Variants in KDM2A observed in about 807,000 individuals in gnomAD.
The protein encoded by KDM2A is lysine demethylase 2A, also known as lysine-specific demethylase 2A.
A neutral mutation model predicts 137.3 loss-of-function variants in KDM2A; 3 were observed. That is an observed-to-expected ratio of 0.02 (90% CI 0.01 to 0.06). The LOEUF (loss-of-function observed/expected upper bound fraction) is 0.06, where lower values mean the gene tolerates loss of function less well. KDM2A is among the 10% of genes least tolerant of loss of function. The pLI is 1.00. For missense variants in KDM2A, 738 were observed against 1,510.6 expected (o/e 0.49, Z 8.48); for synonymous variants, 512 against 541.5 (o/e 0.95, Z 0.76).
chr11:67,241,103 C>T (rs973478209), intron 12 of KDM2A, among the ~76,000 whole-genome samples: 5 of 152,190 alleles, frequency 3.3e-5, no homozygotes, highest in Admixed American at 6.5e-5. Flanking sequence ...TTGTGGACAG[C>T]TCAGTTCACT....
intron 2 of KDM2A, among the ~76,000 whole-genome samples, chr11:67,143,992 C>T (rs139742162): frequency 0.022 from 3,275 of 148,858 alleles, 47 homozygotes; most frequent in East Asian, 0.047. Flanking sequence ...CCCAGACTGG[C>T]GTGCAGTGGT....
intron 13 of KDM2A, among the ~76,000 whole-genome samples, chr11:67,244,773 C>G (rs1361095418): frequency 1.3e-5 from 2 of 152,026 alleles, no homozygotes; most frequent in African/African-American, 4.8e-5. Flanking sequence ...ATCACGAGGT[C>G]AGGAGATTGA....
intron 5 of KDM2A, among the ~76,000 whole-genome samples, chr11:67,206,028 C>T (rs1447480538): frequency 6.6e-6 from 1 of 152,084 alleles, no homozygotes; most frequent in Admixed American, 6.6e-5. Context: ...TTTACTTTAT[C>T]GACTTTAAAT....
intron 2 of KDM2A, among the ~76,000 whole-genome samples, chr11:67,152,888 T>C (rs1207939553): frequency 6.6e-6 from 1 of 151,050 alleles, no homozygotes; most frequent in Non-Finnish European, 1.5e-5. Context: ...AGTGAGACTA[T>C]AGGATTACAG....
chr11:67,187,978 A>G (rs1343392505), intron 5 of KDM2A, among the ~76,000 whole-genome samples: 1 of 151,928 alleles, frequency 6.6e-6, no homozygotes, highest in Non-Finnish European at 1.5e-5. Flanking sequence ...GACTGCTTGA[A>G]GCCAGGAATT....
chr11:67,149,118 A>G (rs1182047162), intron 2 of KDM2A: 1 of 152,140 alleles, frequency 6.6e-6, no homozygotes, highest in Non-Finnish European at 1.5e-5. Flanking sequence ...CAAAAGTTAA[A>G]AAGTGTTTTC....
chr11:67,193,362 G>A (rs1027545796), intron 5 of KDM2A, among the ~76,000 whole-genome samples: 9 of 152,146 alleles, frequency 5.9e-5, no homozygotes, highest in African/African-American at 2.2e-4. Context: ...TGTCCTGTAA[G>A]GATAATCATG....
At chr11:67,203,964 C>A (rs932920911) in intron 5 of KDM2A, among the ~76,000 whole-genome samples, 1 of 151,826 alleles carries the variant, frequency 6.6e-6, no homozygotes, top group Non-Finnish European at 1.5e-5. Flanking sequence ...CCACGCCCAG[C>A]TAATTTTTGT....
chr11:67,227,273 C>G (rs900154873), intron 10 of KDM2A, among the ~76,000 whole-genome samples: 1 of 152,200 alleles, frequency 6.6e-6, no homozygotes, highest in African/African-American at 2.4e-5. Context: ...TGCCCCTAGA[C>G]TAGACACGGT....
intron 17 of KDM2A, 167 bp from the exon 18 acceptor site, chr11:67,252,527 T>C (rs972082264): frequency 2.8e-6 from 2 of 719,040 alleles, no homozygotes; most frequent in Middle Eastern, 2.6e-4. Context: ...TTCAAGGCAA[T>C]TTTTTGCCTA....
intron 15 of KDM2A, among the ~76,000 whole-genome samples, chr11:67,247,230 C>T (rs1467642390): frequency 1.3e-5 from 2 of 148,434 alleles, no homozygotes; most frequent in South Asian, 2.1e-4. Context: ...GTTGGGATTA[C>T]AAGCACGTGC....
chr11:67,168,248 GGTAGATGTC>G (rs1856790863), intron 2 of KDM2A, among the ~76,000 whole-genome samples: 1 of 151,964 alleles, frequency 6.6e-6, no homozygotes. Context: ...TTTGGAACTT[GGTAGATGTC>G]CAGTGAAGTT....
chr11:67,245,542 G>C lies in KDM2A; in HGVS notation c.1833+84G>C. 1 of 1,457,228 alleles carries C rather than the reference G, an allele frequency of 6.9e-7. No individual in the cohort carries two copies. The highest frequency in any genetic ancestry group is 1.2e-5 in the South Asian group (1 of 80,776). The allele number at this position is 1,457,228 out of a possible 1,614,324, so 90.3% of individuals were successfully genotyped here. The stretch of plus-strand genomic sequence containing the variant: ...AATACATATAGTGTAGAGTTAAAGA[G>C]ACTTCAGAGTTGGAAAGAAAAGGTT... On this transcript the variant is annotated intron_variant, in intron 14 of 20. Coordinates refer to ENST00000529006, the MANE Select transcript of KDM2A (RefSeq NM_012308.3). This position sits in a 1 kb window ranked among gnomAD's most constrained non-coding sequence, Gnocchi z 4.1.
intron 12 of KDM2A, among the ~76,000 whole-genome samples, chr11:67,237,880 A>G (rs1858915470): frequency 6.6e-6 from 1 of 151,866 alleles, no homozygotes; most frequent in Non-Finnish European, 1.5e-5. Flanking sequence ...GTCATCTACC[A>G]CTGCACTTTA....
chr11:67,138,848 A>G (rs950755078), intron 2 of KDM2A, among the ~76,000 whole-genome samples: 9 of 152,208 alleles, frequency 5.9e-5, no homozygotes, highest in African/African-American at 1.9e-4. Context: ...GATAGATGGT[A>G]AAGTTTGAGA....
chr11:67,123,632 A>T (rs540051516), intron 2 of KDM2A, among the ~76,000 whole-genome samples: 49 of 151,836 alleles, frequency 3.2e-4, no homozygotes, highest in Admixed American at 2.8e-3. Flanking sequence ...GGAATTTTGC[A>T]GTCCAGACTT....
intron 10 of KDM2A, among the ~76,000 whole-genome samples, chr11:67,223,828 T>C (rs983999139): frequency 6.6e-6 from 1 of 152,210 alleles, no homozygotes; most frequent in Non-Finnish European, 1.5e-5. Context: ...TTGCTATACT[T>C]AAAAGGCTAA....
At chr11:67,212,861 A>G (rs943037576) in intron 6 of KDM2A, among the ~76,000 whole-genome samples, 1 of 152,158 alleles carries the variant, frequency 6.6e-6, no homozygotes, top group Admixed American at 6.5e-5. Context: ...GTATTAAGCA[A>G]GTACTTTATT....
In KDM2A at chr11:67,119,612, G is replaced by A. The variant is rs1278116028; in HGVS notation, c.-521G>A. ...GCCCTGTCCGCCCCCCGGGGCCGGG[G>A]CCCGCGTTCCGGGGGGCCGGGGCGG... On this transcript the variant is annotated 5_prime_UTR_variant, in exon 1 of 21. Coordinates refer to ENST00000529006, the MANE Select transcript of KDM2A (RefSeq NM_012308.3). The A allele has an allele frequency of 6.7e-6, 1 of 149,636 alleles. No homozygotes were observed. The highest frequency in any genetic ancestry group is 1.5e-5 in the Non-Finnish European group (1 of 67,116). The allele number at this position is 149,636 out of a possible 1,614,324, so 9.3% of individuals were successfully genotyped here. A position where few individuals can be genotyped will look rare whatever the true frequency, so the allele number is the denominator to read the frequency against.
Sources: gnomAD v4.1 joint callset for allele counts (sites outside exome capture counted in the v4.1 genomes callset) on GRCh38, gnomAD v4.1.1 for gene constraint, Gnocchi (gnomAD v3.1) non-coding constraint, MANE v1.5 for transcripts, NCBI Gene and HGNC (gene_info 2026-07-23, HGNC 2026-07-21) for gene names.